UGT2B15: variants seen among roughly 807,000 people sequenced by gnomAD.
UGT2B15 encodes the protein UDP-glucuronosyltransferase 2B15.
In UGT2B15, 36 loss-of-function variants were observed where a neutral mutation model predicts 45.9. The observed-to-expected ratio is 0.78, with a 90% CI of 0.60 to 1.04. The LOEUF (loss-of-function observed/expected upper bound fraction) is 1.04. UGT2B15 is among the 50% of genes least tolerant of loss of function. The pLI is 0.00. For synonymous variants in UGT2B15, 219 were observed against 216.4 expected (o/e 1.01, Z -0.11); for missense variants, 617 against 622.4 (o/e 0.99, Z 0.09).
chr4:68,669,490 C>A (rs1376681468), intron 1 of UGT2B15, among the ~76,000 whole-genome samples: 1 of 152,028 alleles, frequency 6.6e-6, no homozygotes, highest in Non-Finnish European at 1.5e-5. Context: ...CAAAGAGAAA[C>A]AAATTCCTCA....
At chr4:68,664,018 C>G (rs1423036841) in intron 2 of UGT2B15, among the ~76,000 whole-genome samples, 1 of 151,870 alleles carries the variant, frequency 6.6e-6, no homozygotes, top group East Asian at 1.9e-4. Flanking sequence ...TGTGGGGGAC[C>G]CTCATCATCA....
At chr4:68,665,499 A>C (rs1733093023) in intron 2 of UGT2B15, among the ~76,000 whole-genome samples, 2 of 152,082 alleles carry the variant, frequency 1.3e-5, no homozygotes, top group Non-Finnish European at 2.9e-5. Context: ...AGTATTTGCT[A>C]CCGATATTGA....
intron 3 of UGT2B15, among the ~76,000 whole-genome samples, chr4:68,660,372 A>G (rs1053282076): frequency 7.2e-5 from 11 of 151,842 alleles, no homozygotes; most frequent in African/African-American, 2.4e-4. Context: ...GAGGAGAGGA[A>G]TTCACCCAAC....
At chr4:68,654,842 T>G (rs539850880) in intron 4 of UGT2B15, among the ~76,000 whole-genome samples, 11 of 151,990 alleles carry the variant, frequency 7.2e-5, no homozygotes, top group Non-Finnish European at 1.3e-4. Flanking sequence ...TTAAAACCTG[T>G]GAGAGGAAAT....
At chr4:68,651,038 A>T (rs1398442299) in intron 5 of UGT2B15, among the ~76,000 whole-genome samples, 2 of 121,732 alleles carry the variant, frequency 1.6e-5, no homozygotes, top group Admixed American at 9.9e-5. Flanking sequence ...TTTCTTGTAG[A>T]TTCCGGATAT....
At chr4:68,653,360 T>C (rs1490226698) in intron 5 of UGT2B15, among the ~76,000 whole-genome samples, 1 of 151,958 alleles carries the variant, frequency 6.6e-6, no homozygotes, top group South Asian at 2.1e-4. Context: ...TAAAACTAAT[T>C]ATGCTAAGTG....
At chr4:68,659,703 C>T (rs537318534) in intron 3 of UGT2B15, among the ~76,000 whole-genome samples, 16 of 151,894 alleles carry the variant, frequency 1.1e-4, no homozygotes, top group African/African-American at 2.7e-4. Context: ...CTTTAGAAGG[C>T]GATTTTATAC....
In UGT2B15 at chr4:68,670,244, G is replaced by GT. The variant is rs1733267452; in HGVS notation, c.374dup (p.Asn125LysfsTer5). ...TCAAAACTGCATCTTTACAGAGCTTGTTACTGTAGTCATAATATTCCCAAC... is the reference window on the plus strand; with the variant it reads ...TCAAAACTGCATCTTTACAGAGCTTGTTTACTGTAGTCATAATATTCCCAAC... On this transcript the variant is annotated frameshift_variant, in exon 1 of 6. Transcript: ENST00000338206. LOFTEE classifies it high-confidence loss of function. 4 of 1,613,914 alleles carry GT rather than the reference G, an allele frequency of 2.5e-6. No homozygotes were observed. The highest frequency in any genetic ancestry group is 2.5e-6 in the Non-Finnish European group (3 of 1,179,950).
chr4:68,660,933 C>G (rs1732947057), intron 3 of UGT2B15, among the ~76,000 whole-genome samples: 1 of 151,828 alleles, frequency 6.6e-6, no homozygotes, highest in Non-Finnish European at 1.5e-5. Flanking sequence ...AGTAATGGGC[C>G]TATATTAATT....
Position 68,653,966 on chromosome 4 carries a change from G to T in UGT2B15, c.1313+71C>A, listed in dbSNP as rs1165652139. 2.5e-5 allele frequency: 40 copies of T among 1,578,280 alleles called. 1 individual carries two copies. Among genetic ancestry groups the T allele is most frequent in the Non-Finnish European group, 3.5e-5 (40 of 1,155,410 alleles). ...TTCAAAATTAGTCTCTTAAAAACGG[G>T]TTAAAATTCATATTCACTGTTGACA... On this transcript the variant is annotated intron_variant, in intron 5 of 5. Transcript: ENST00000338206.
At position 68,659,296 on chromosome 4, in the gene UGT2B15, A is replaced by T. The variant is rs185454444; in HGVS notation, c.1005+3712T>A. On this transcript the variant is annotated intron_variant, in intron 3 of 5. Transcript: ENST00000338206. ...TTACCTGTGATATTAAGTGTTTTAA[A>T]CCTTTGATATTTGAGAAATTTTCCA... 2.4e-3 allele frequency among the ~76,000 whole-genome samples: 362 copies of T among 151,980 alleles called. 1 individual carries two copies. The highest frequency in any genetic ancestry group is 4.0e-3 in the Non-Finnish European group (273 of 67,872).
At chr4:68,650,423 G>A (rs776336171) in intron 5 of UGT2B15, among the ~76,000 whole-genome samples, 2 of 151,976 alleles carry the variant, frequency 1.3e-5, no homozygotes, top group Non-Finnish European at 2.9e-5. Flanking sequence ...TCCTGTGTTA[G>A]TTGCTGCGGA....
chr4:68,655,726 A>G (rs1354490920), intron 3 of UGT2B15, among the ~76,000 whole-genome samples: 1 of 152,098 alleles, frequency 6.6e-6, no homozygotes. Context: ...TTCATCTTAT[A>G]TATGTTGATT....
At chr4:68,669,338 A>G (rs1733233021) in intron 1 of UGT2B15, among the ~76,000 whole-genome samples, 1 of 152,146 alleles carries the variant, frequency 6.6e-6, no homozygotes, top group Non-Finnish European at 1.5e-5. Flanking sequence ...TCAACCTGTT[A>G]TTGAAGGAAT....
intron 1 of UGT2B15, among the ~76,000 whole-genome samples, chr4:68,668,877 A>G (rs1382115735): frequency 1.3e-5 from 2 of 151,938 alleles, no homozygotes; most frequent in Non-Finnish European, 2.9e-5. Flanking sequence ...TGTAGCCACT[A>G]TGAACTTAAA....
Position 68,654,242 on chromosome 4 carries a change from T to C in UGT2B15, c.1108A>G (p.Lys370Glu), listed in dbSNP as rs771327474. 7 of 1,613,516 alleles carry C rather than the reference T, an allele frequency of 4.3e-6. No homozygotes were observed. The South Asian group carries it at 6.6e-5, about 15-fold the overall frequency. ...QNDLLGHPKT[K>E]AFITHGGTNG... is the part of the protein sequence containing the mutation. ...GTTCCACCATGAGTTATAAAAGCTT[T>C]GGTTTTGGGATGACCTAAAAGTGGA... Residue 370 changes from lysine to glutamate, a missense_variant, in exon 5 of 6, where the codon AAA becomes GAA. Lys to Glu is a moderately conservative substitution (Grantham distance 56). This residue lies in a region of UGT2B15 where 265 missense variants were observed against 245.1 expected (regional missense o/e 1.08). Coordinates refer to ENST00000338206, the MANE Select transcript of UGT2B15 (RefSeq NM_001076.4).
At chr4:68,655,372 AC>A (rs1732774613) in intron 3 of UGT2B15, among the ~76,000 whole-genome samples, 190 bp from the exon 4 acceptor site, 1 of 152,248 alleles carries the variant, frequency 6.6e-6, no homozygotes, top group African/African-American at 2.4e-5. Context: ...TAATGTCGTT[AC>A]TTTTATAATC....
intron 5 of UGT2B15, among the ~76,000 whole-genome samples, chr4:68,648,558 G>T (rs1413230986): frequency 6.6e-6 from 1 of 151,944 alleles, no homozygotes; most frequent in East Asian, 1.9e-4. Context: ...TTTAAAATAT[G>T]TTGTATATCT....
At chr4:68,659,437 C>G (rs1191087131) in intron 3 of UGT2B15, among the ~76,000 whole-genome samples, 2 of 151,846 alleles carry the variant, frequency 1.3e-5, no homozygotes, top group Non-Finnish European at 2.9e-5. Context: ...ATACAGGAAA[C>G]ATTGTCAAAT....
Sources: allele counts gnomAD v4.1 joint callset (sites outside exome capture counted in the v4.1 genomes callset), GRCh38; gene constraint gnomAD v4.1.1; regional missense constraint gnomAD v4.1.1; transcripts MANE v1.5; gene names NCBI Gene and HGNC (gene_info 2026-07-23, HGNC 2026-07-21).